DNAH5: variants seen among roughly 807,000 people sequenced by gnomAD.
DNAH5 encodes dynein axonemal heavy chain 5.
DNAH5 carries 372 observed loss-of-function variants against 518.2 expected under a neutral mutation model. The observed-to-expected ratio is 0.72, with a 90% CI of 0.66 to 0.78. The LOEUF is 0.78. Ranked by LOEUF, DNAH5 falls within the 30% of genes least tolerant of loss-of-function variation. The probability of loss-of-function intolerance (pLI) is 0.00; values close to 1 mark genes in which losing one functional copy is unlikely to be tolerated. For synonymous variants in DNAH5, 2,039 were observed against 2,025.9 expected (o/e 1.01, Z -0.17); for missense variants, 5,523 against 5,687.0 (o/e 0.97, Z 0.93).
intron 12 of DNAH5, among the ~76,000 whole-genome samples, chr5:13,905,397 T>G (rs1488135288): frequency 1.3e-5 from 2 of 152,184 alleles, no homozygotes; most frequent in Non-Finnish European, 2.9e-5. Context: ...CTCTTCAGCC[T>G]TCTGCCATGC....
At chr5:13,706,879 A>T (rs1742855164) in intron 76 of DNAH5, among the ~76,000 whole-genome samples, 1 of 152,198 alleles carries the variant, frequency 6.6e-6, no homozygotes, top group African/African-American at 2.4e-5. Context: ...CAGGGCAGGG[A>T]AGTGCTGGGT....
chr5:13,765,290 C>A (rs1242652772), intron 59 of DNAH5, among the ~76,000 whole-genome samples: 1 of 151,940 alleles, frequency 6.6e-6, no homozygotes, highest in South Asian at 2.1e-4. Context: ...TATATACTGG[C>A]AAACTATATA....
chr5:13,981,982 C>T (rs1782705898), intron 1 of DNAH5, among the ~76,000 whole-genome samples: 1 of 152,212 alleles, frequency 6.6e-6, no homozygotes, highest in Non-Finnish European at 1.5e-5. Flanking sequence ...TGAAATTAAA[C>T]CAATAGGCTA....
At chr5:13,759,943 T>C (rs1312769671) in intron 60 of DNAH5, among the ~76,000 whole-genome samples, 1 of 152,174 alleles carries the variant, frequency 6.6e-6, no homozygotes, top group Non-Finnish European at 1.5e-5. Context: ...TTTGGCAGAA[T>C]AAATCTTTAG....
intron 1 of DNAH5, among the ~76,000 whole-genome samples, chr5:14,009,766 C>T (rs2152091181): frequency 6.6e-6 from 1 of 152,324 alleles, no homozygotes; most frequent in Middle Eastern, 3.4e-3. Context: ...ATTGCTTACT[C>T]AGCTGGGGAG....
At chr5:13,792,666 T>C (rs1000259734) in intron 49 of DNAH5, among the ~76,000 whole-genome samples, 3 of 141,410 alleles carry the variant, frequency 2.1e-5, no homozygotes, top group Non-Finnish European at 4.7e-5. Context: ...ATGATAACAG[T>C]CATTTTTTTC....
At chr5:13,737,196 T>C in intron 66 of DNAH5, 56 bp downstream of exon 66, 6 of 1,609,990 alleles carry the variant, frequency 3.7e-6, no homozygotes, top group African/African-American at 1.3e-5. Context: ...TCTCTAATTC[T>C]CATTCCTCTC....
chr5:13,709,400 T>A (rs564547407), intron 75 of DNAH5, among the ~76,000 whole-genome samples: 193 of 150,540 alleles, frequency 1.3e-3, no homozygotes, highest in Middle Eastern at 3.5e-3. Context: ...TTTTGTAATT[T>A]AAAAAAAAAA....
chr5:13,874,291 T>C (rs943529771), intron 22 of DNAH5, among the ~76,000 whole-genome samples: 1 of 152,146 alleles, frequency 6.6e-6, no homozygotes, highest in African/African-American at 2.4e-5. Context: ...AATCCAGAGC[T>C]CTCTCACCAC....
At chr5:13,741,399 T>C (rs1007736579) in intron 65 of DNAH5, among the ~76,000 whole-genome samples, 22 of 152,210 alleles carry the variant, frequency 1.4e-4, no homozygotes. Context: ...CTTTAAGATG[T>C]AGCAACTCAA....
intron 28 of DNAH5, 41 bp downstream of exon 28, chr5:13,864,356 T>C: frequency 6.2e-7 from 1 of 1,611,278 alleles, no homozygotes; most frequent in Non-Finnish European, 8.5e-7. Flanking sequence ...ATCAAATAAA[T>C]CCCATGAGAC....
Position 13,894,743 on chromosome 5 carries a change from T to C in DNAH5, c.2338A>G (p.Lys780Glu), listed in dbSNP as rs1737647871. ...CCAGGTTGGAGAGCTTCATCCACTT[T>C]GGCCAAGTGAGGGACAATCAATTGC... ...IEQLIVPHLAKVDEALQPGLA... is the reference protein window; with the variant it reads ...IEQLIVPHLAEVDEALQPGLA... The change falls in exon 16 of 79, where the codon AAA becomes GAA. Residue 780 changes from lysine (K) to glutamate (E), a missense_variant. Around this residue, in one of 3 missense-constraint regions of DNAH5, gnomAD observed 5,121 missense variants for 5,223.3 expected, o/e 0.98. Coordinates refer to ENST00000265104, the MANE Select transcript of DNAH5 (RefSeq NM_001369.3). 1.2e-6 allele frequency: 2 copies of C among 1,614,162 alleles called. No homozygotes were observed. Among genetic ancestry groups the C allele is most frequent in the Middle Eastern group, 3.3e-4 (2 of 6,062 alleles).
chr5:13,978,959 T>G (rs568830026), intron 1 of DNAH5, among the ~76,000 whole-genome samples: 2 of 152,270 alleles, frequency 1.3e-5, no homozygotes, highest in African/African-American at 4.8e-5. Flanking sequence ...TACTCTCACC[T>G]GGCCAGCCTC....
At chr5:13,824,064 A>T (rs1580432195) in intron 39 of DNAH5, 135 bp downstream of exon 39, 1 of 919,494 alleles carries the variant, frequency 1.1e-6, no homozygotes, top group African/African-American at 1.6e-5. Context: ...ATTTAAAGTG[A>T]TGCTCTCCAG....
chr5:13,724,587 T>C (rs1745472010), intron 70 of DNAH5, among the ~76,000 whole-genome samples: 1 of 152,108 alleles, frequency 6.6e-6, no homozygotes, highest in African/African-American at 2.4e-5. Flanking sequence ...AGGAATAATA[T>C]AGTTTGAATG....
chr5:13,845,104 C>A, intron 31 of DNAH5, 111 bp from the exon 32 acceptor site: 1 of 1,036,406 alleles, frequency 9.6e-7, no homozygotes, highest in Non-Finnish European at 1.4e-6. Context: ...TTGTGACAAT[C>A]TGATTTTCCT....
At chr5:13,692,231 C>A in intron 78 of DNAH5, 96 bp from the exon 79 acceptor site, 2 of 1,385,424 alleles carry the variant, frequency 1.4e-6, no homozygotes, top group South Asian at 1.2e-5. Context: ...TAGGTCATTT[C>A]AAAAACAGAT....
intron 78 of DNAH5, among the ~76,000 whole-genome samples, chr5:13,694,475 G>A (rs1318551184): frequency 6.6e-6 from 1 of 152,146 alleles, no homozygotes; most frequent in Admixed American, 6.5e-5. Context: ...ATGCTAGGTA[G>A]GTAGAACAAA....
In DNAH5 at chr5:13,727,598, T is replaced by G. The variant is rs1262392578; in HGVS notation, c.11942A>C (p.Glu3981Ala). ...TTTATCATAGGCATTTGGAAGAGGT[T>G]CCTCCTCCGGGTTTTCCTTATCAAA... ...IWFDKENPEEEPLPNAYDKSL... is the reference protein window; with the variant it reads ...IWFDKENPEEAPLPNAYDKSL... The change falls in exon 70 of 79, where the codon GAA (glutamate) becomes GCA (alanine). Residue 3981 changes from glutamate to alanine, a missense_variant. Physicochemically the swap from Glu to Ala is moderately radical, Grantham distance 107. Coordinates refer to ENST00000265104, the MANE Select transcript of DNAH5 (RefSeq NM_001369.3). The G allele has an allele frequency of 5.6e-6, 9 of 1,613,752 alleles. No homozygotes were observed. In the East Asian group the frequency reaches 2.0e-4, roughly 36 times the overall value.
Sources: gnomAD v4.1 joint callset for allele counts (sites outside exome capture counted in the v4.1 genomes callset) on GRCh38, gnomAD v4.1.1 for gene constraint, gnomAD v4.1.1 regional missense constraint, MANE v1.5 for transcripts, NCBI Gene and HGNC (gene_info 2026-07-23, HGNC 2026-07-21) for gene names.